Variants in RASGRF2 observed in about 807,000 individuals in gnomAD.
RASGRF2 encodes the protein ras-specific guanine nucleotide-releasing factor 2.
RASGRF2 carries 76 observed loss-of-function variants against 151.0 expected under a neutral mutation model. That is an observed-to-expected ratio of 0.50 (90% confidence interval 0.42 to 0.61). The LOEUF is 0.61. Ranked by LOEUF, RASGRF2 falls within the 20% of genes least tolerant of loss-of-function variation. The pLI is 0.00. For synonymous variants in RASGRF2, 504 were observed against 566.5 expected (o/e 0.89, Z 1.57); for missense variants, 1,148 against 1,564.6 (o/e 0.73, Z 4.49).
chr5:81,119,731 G>A (rs951818043), intron 15 of RASGRF2, among the ~76,000 whole-genome samples: 7 of 152,170 alleles, frequency 4.6e-5, no homozygotes, highest in Non-Finnish European at 8.8e-5. Flanking sequence ...GCAGATGGAG[G>A]GAACCTGTGA....
chr5:81,192,610 A>G (rs1298799186), intron 18 of RASGRF2, among the ~76,000 whole-genome samples: 2 of 152,210 alleles, frequency 1.3e-5, no homozygotes, highest in East Asian at 1.9e-4. Context: ...CTCTCATCCC[A>G]GGTTTTAGCC....
intron 1 of RASGRF2, among the ~76,000 whole-genome samples, chr5:80,985,780 A>T (rs925864627): frequency 6.6e-6 from 1 of 152,166 alleles, no homozygotes; most frequent in East Asian, 1.9e-4. Flanking sequence ...GTGGAGTATT[A>T]TGGGAACTCC....
rs976701367 is a variant in RASGRF2 at position 81,042,949 on chromosome 5, G to A, written c.361G>A (p.Gly121Ser). Residue 121 changes from glycine to serine, a missense_variant, in exon 2 of 27, where the codon GGT becomes AGT. Physicochemically the swap from Gly to Ser is moderately conservative, Grantham distance 56. Transcript: ENST00000265080. ...LELRCEEEQD[G>S]KEWMEAIHQA... ...GCTGCGCTGTGAGGAGGAGCAGGATGGTAAAGAGTGGATGGAGGCCATTCA... is the reference window on the plus strand; with the variant it reads ...GCTGCGCTGTGAGGAGGAGCAGGATAGTAAAGAGTGGATGGAGGCCATTCA... 1.2e-6 allele frequency: 2 copies of A among 1,612,576 alleles called. No individual in the cohort carries two copies. The highest frequency in any genetic ancestry group is 1.3e-5 in the African/African-American group (1 of 74,902).
At chr5:81,145,456 G>A (rs1191658822) in intron 17 of RASGRF2, among the ~76,000 whole-genome samples, 1 of 152,164 alleles carries the variant, frequency 6.6e-6, no homozygotes, top group Non-Finnish European at 1.5e-5. Context: ...AAGAAATGGT[G>A]CTAAATTTCC....
At chr5:81,225,351 C>A (rs1755948775) in intron 26 of RASGRF2, among the ~76,000 whole-genome samples, 1 of 152,128 alleles carries the variant, frequency 6.6e-6, no homozygotes, top group Non-Finnish European at 1.5e-5. Context: ...AAATGTGCAC[C>A]ATGGTGCCAA....
rs1238714686 is a variant in RASGRF2, at chr5:81,113,796, T to G, written c.2346T>G (p.Gly782=). The G allele has an allele frequency of 5.0e-6, 8 of 1,613,962 alleles. No individual in the cohort carries two copies. The African/African-American group carries it at 8.0e-5, about 16-fold the overall frequency. ...CTGCGTCTCCACCACCACACACTGG[T>G]CAGATACCACTGGATCTCAGCAGAG... ...SPAASPPPHT[G]QIPLDLSRGL... is the part of the protein sequence containing the mutation. Residue 782 remains glycine (G), a synonymous_variant, in exon 15 of 27, where the codon GGT becomes GGG. Transcript: ENST00000265080.
intron 1 of RASGRF2, among the ~76,000 whole-genome samples, chr5:81,035,421 T>C (rs775791235): frequency 5.8e-4 from 88 of 152,068 alleles, no homozygotes; most frequent in Admixed American, 1.0e-3. Flanking sequence ...ATGAGAACAC[T>C]TGGACATAGG....
In RASGRF2 at chr5:81,201,423, G is replaced by A; in HGVS notation, c.2887G>A (p.Ala963Thr). The change falls in exon 19 of 27, where the codon GCC becomes ACC. Residue 963 changes from alanine (A) to threonine (T), a missense_variant. Ala to Thr is a moderately conservative substitution (Grantham distance 58). Coordinates refer to ENST00000265080, the MANE Select transcript of RASGRF2 (RefSeq NM_006909.3). ...DPDLLPQERK[A>T]AANILRALSQ... ...AGACCTTCTTCCCCAAGAAAGGAAAGCCGCCGCGAATATCCTCAGGTGAAG... is the reference window on the plus strand; with the variant it reads ...AGACCTTCTTCCCCAAGAAAGGAAAACCGCCGCGAATATCCTCAGGTGAAG... 1 of 1,613,912 alleles carries A rather than the reference G, an allele frequency of 6.2e-7. No individual in the cohort carries two copies. The highest frequency in any genetic ancestry group is 8.5e-7 in the Non-Finnish European group (1 of 1,179,930).
rs150851490 is a variant in RASGRF2 at position 81,028,004 on chromosome 5, C to T, written c.289-14873C>T. Among the ~76,000 whole-genome samples the T allele has an allele frequency of 1.2e-4, 19 of 152,184 alleles. 1 individual carries two copies. Among genetic ancestry groups the T allele is most frequent in the African/African-American group, 3.9e-4 (16 of 41,550 alleles). ...GTGTGGAGAGGCTCAATGACTATAT[C>T]GGCAATATCTGCAACATCACCATGG... On this transcript the variant is annotated intron_variant, in intron 1 of 26. Coordinates refer to ENST00000265080, the MANE Select transcript of RASGRF2 (RefSeq NM_006909.3).
chr5:81,081,206 A>G (rs1253997304), intron 7 of RASGRF2, among the ~76,000 whole-genome samples: 1 of 152,070 alleles, frequency 6.6e-6, no homozygotes, highest in Non-Finnish European at 1.5e-5. Flanking sequence ...GACTGCTGGG[A>G]AGGTTTCTGT....
intron 12 of RASGRF2, among the ~76,000 whole-genome samples, chr5:81,107,538 A>G (rs1029358291): frequency 1.3e-5 from 2 of 152,084 alleles, no homozygotes; most frequent in African/African-American, 2.4e-5. Flanking sequence ...TGAGTTGACT[A>G]CTCCACAGCC....
At chr5:81,193,110 A>G (rs2112698087) in intron 18 of RASGRF2, among the ~76,000 whole-genome samples, 1 of 152,302 alleles carries the variant, frequency 6.6e-6, no homozygotes, top group Middle Eastern at 3.4e-3. Context: ...TTACACTGAG[A>G]AAATTACTCT....
chr5:81,029,428 G>A (rs528085675), intron 1 of RASGRF2, among the ~76,000 whole-genome samples: 5 of 152,292 alleles, frequency 3.3e-5, no homozygotes, highest in South Asian at 2.1e-4. Context: ...TCATATGGCC[G>A]GGTGCCCCTC....
chr5:81,212,471 C>A lies in RASGRF2; in HGVS notation c.3262C>A (p.His1088Asn). 6.2e-7 allele frequency: 1 copy of A among 1,613,910 alleles called. No individual in the cohort carries two copies. The highest frequency in any genetic ancestry group is 1.6e-4 in the Middle Eastern group (1 of 6,062). ...VAVADICRCL[H>N]NYNGVLEITS... ...AGTGGCGGACATCTGCCGATGCCTGCACAACTACAACGGCGTGCTGGAGAT... is the reference window on the plus strand; with the variant it reads ...AGTGGCGGACATCTGCCGATGCCTGAACAACTACAACGGCGTGCTGGAGAT... The change falls in exon 23 of 27, where the codon CAC (histidine) becomes AAC (asparagine). Residue 1088 changes from histidine to asparagine, a missense_variant. Physicochemically the swap from His to Asn is moderately conservative, Grantham distance 68. Coordinates refer to ENST00000265080, the MANE Select transcript of RASGRF2 (RefSeq NM_006909.3).
chr5:80,975,448 C>A (rs1296302103), intron 1 of RASGRF2, among the ~76,000 whole-genome samples: 1 of 151,992 alleles, frequency 6.6e-6, no homozygotes, highest in Non-Finnish European at 1.5e-5. Context: ...AGTTTAAAAG[C>A]ATATGAAACT....
In RASGRF2 at chr5:81,034,562, A is replaced by C. The variant is rs929879192; in HGVS notation, c.289-8315A>C. Among the ~76,000 whole-genome samples, 37 of 151,916 alleles carry C rather than the reference A, an allele frequency of 2.4e-4. 1 individual carries two copies. The highest frequency in any genetic ancestry group is 5.0e-4 in the Non-Finnish European group (34 of 67,954). ...TTGGAACCAACCCAAATGTCCAAGA[A>C]TGATAGACTGGATTAAGAAAATGTG... On this transcript the variant is annotated intron_variant, in intron 1 of 26. Transcript: ENST00000265080.
intron 2 of RASGRF2, among the ~76,000 whole-genome samples, chr5:81,049,026 A>T (rs1222250960): frequency 1.3e-5 from 2 of 151,744 alleles, no homozygotes. Flanking sequence ...TTTTGTCCCT[A>T]CTCTACTATA....
chr5:81,075,534 C>T (rs897436806), intron 5 of RASGRF2, among the ~76,000 whole-genome samples: 1 of 152,138 alleles, frequency 6.6e-6, no homozygotes, highest in Non-Finnish European at 1.5e-5. Context: ...CTTACTTATC[C>T]ATCAGGACTC....
At chr5:81,130,530 G>T (rs28367480) in intron 17 of RASGRF2, among the ~76,000 whole-genome samples, 5,192 of 152,234 alleles carry the variant, frequency 0.034, 322 homozygotes, top group African/African-American at 0.12. Context: ...GCAGAGAGCA[G>T]AAGGTGTACT....
Sources: allele counts gnomAD v4.1 joint callset (sites outside exome capture counted in the v4.1 genomes callset), GRCh38; gene constraint gnomAD v4.1.1; transcripts MANE v1.5; gene names NCBI Gene and HGNC (gene_info 2026-07-23, HGNC 2026-07-21).